Variants in RPGRIP1L observed in about 807,000 individuals in gnomAD.
The protein encoded by RPGRIP1L is RPGRIP1 like, also known as protein fantom.
RPGRIP1L carries 131 observed loss-of-function variants against 160.4 expected under a neutral mutation model. The observed-to-expected ratio is 0.82, with a 90% CI of 0.71 to 0.94. The LOEUF (loss-of-function observed/expected upper bound fraction) is 0.94. RPGRIP1L is among the 40% of genes least tolerant of loss of function. The probability of loss-of-function intolerance (pLI) is 0.00; values close to 1 mark genes in which losing one functional copy is unlikely to be tolerated. For missense variants in RPGRIP1L, 1,522 were observed against 1,535.8 expected (o/e 0.99, Z 0.15); for synonymous variants, 510 against 515.8 (o/e 0.99, Z 0.15).
At chr16:53,610,622 A>T (rs867614525) in intron 25 of RPGRIP1L, among the ~76,000 whole-genome samples, 1 of 152,230 alleles carries the variant, frequency 6.6e-6, no homozygotes, top group African/African-American at 2.4e-5. Context: ...CAATAAGACA[A>T]GAATTTATAC....
intron 17 of RPGRIP1L, among the ~76,000 whole-genome samples, chr16:53,645,048 C>T (rs1443600174): frequency 6.6e-6 from 1 of 151,980 alleles, no homozygotes; most frequent in African/African-American, 2.4e-5. Flanking sequence ...ATGGTGACAG[C>T]ACAAAGGAGG....
intron 22 of RPGRIP1L, among the ~76,000 whole-genome samples, chr16:53,632,120 G>C (rs895384920): frequency 6.6e-6 from 1 of 152,194 alleles, no homozygotes; most frequent in African/African-American, 2.4e-5. Flanking sequence ...GTAATACGTA[G>C]AAGTACTGGG....
intron 25 of RPGRIP1L, among the ~76,000 whole-genome samples, chr16:53,606,418 C>T (rs1209826596): frequency 6.6e-6 from 1 of 152,060 alleles, no homozygotes; most frequent in African/African-American, 2.4e-5. Flanking sequence ...TGTATCCATC[C>T]CAAATCAGAA....
At chr16:53,639,708 C>A (rs544874838) in intron 19 of RPGRIP1L, among the ~76,000 whole-genome samples, 1 of 152,188 alleles carries the variant, frequency 6.6e-6, no homozygotes, top group East Asian at 1.9e-4. Context: ...TATCTTTAAA[C>A]GGGAATAATT....
Position 53,622,288 on chromosome 16 carries a change from CG to C in RPGRIP1L, c.3362del (p.Pro1121ArgfsTer13). The C allele has an allele frequency of 4.6e-6, 3 of 654,498 alleles. No individual in the cohort carries two copies. Among genetic ancestry groups the C allele is most frequent in the South Asian group, 1.6e-5 (1 of 62,268 alleles). 40.5% of individuals were successfully genotyped at this position (654,498 alleles called of 1,614,324 possible). On this transcript the variant is annotated frameshift_variant, in exon 23 of 27. Coordinates refer to ENST00000647211, the MANE Select transcript of RPGRIP1L (RefSeq NM_015272.5). LOFTEE classifies it high-confidence loss of function. ...CTGAGGCAGGAAAATCGCTGGAACC[CG>C]GGAGGCGGAAGTTGCAGTGAGCTGA... Reference protein sequence around the residue: ...AISAHCNFRLPGSSDFPASAS... With the variant: ...AISAHCNFRLXGSSDFPASAS...
chr16:53,606,385 T>A (rs1472085618), intron 25 of RPGRIP1L, among the ~76,000 whole-genome samples: 3 of 152,198 alleles, frequency 2.0e-5, no homozygotes, highest in Non-Finnish European at 4.4e-5. Flanking sequence ...CTTGTAAACT[T>A]TACCATTTTA....
intron 8 of RPGRIP1L, among the ~76,000 whole-genome samples, chr16:53,671,905 C>T (rs1028125437): frequency 1.3e-5 from 2 of 152,074 alleles, no homozygotes; most frequent in Non-Finnish European, 2.9e-5. Flanking sequence ...GTATTTTTTA[C>T]TTTTCACCAT....
chr16:53,701,248 T>C (rs1814913972), intron 1 of RPGRIP1L, among the ~76,000 whole-genome samples: 1 of 152,086 alleles, frequency 6.6e-6, no homozygotes, highest in Non-Finnish European at 1.5e-5. Flanking sequence ...TACTCAAATA[T>C]TGTCTGCTTG....
intron 22 of RPGRIP1L, among the ~76,000 whole-genome samples, chr16:53,627,761 G>T (rs1396121826): frequency 6.6e-6 from 1 of 151,804 alleles, no homozygotes; most frequent in Non-Finnish European, 1.5e-5. Flanking sequence ...CTATATTTTT[G>T]AGATTTATCA....
rs1439950732 is a variant in RPGRIP1L, at chr16:53,600,227, AAT to A, written c.*1847_*1848del. 6.6e-6 allele frequency: 1 copy of A among 152,570 alleles called. No individual in the cohort carries two copies. The highest frequency in any genetic ancestry group is 1.5e-5 in the Non-Finnish European group (1 of 68,034). 9.5% of individuals were successfully genotyped at this position (152,570 alleles called of 1,614,324 possible). ...CTGGCTGTTTTAAATTACTGCAGGG[AAT>A]ATTATGGGCCTTAATGACACTGTAA... On this transcript the variant is annotated 3_prime_UTR_variant, in exon 27 of 27. Transcript: ENST00000647211.
intron 6 of RPGRIP1L, among the ~76,000 whole-genome samples, chr16:53,681,952 AT>A (rs1969642520): frequency 6.6e-6 from 1 of 152,148 alleles, no homozygotes. Context: ...CCATTTTGTG[AT>A]TTTTCTCTAC....
At chr16:53,671,686 T>C in intron 8 of RPGRIP1L, 103 bp from the exon 9 acceptor site, 2 of 620,164 alleles carry the variant, frequency 3.2e-6, no homozygotes, top group Non-Finnish European at 2.8e-6. Context: ...GTTAACATGT[T>C]TTAATCTCGA....
chr16:53,612,366 C>T (rs984916490), intron 24 of RPGRIP1L, among the ~76,000 whole-genome samples: 1 of 151,990 alleles, frequency 6.6e-6, no homozygotes, highest in Non-Finnish European at 1.5e-5. Flanking sequence ...TTCAAAGGTT[C>T]AGAGTATTTT....
At chr16:53,636,389 G>A in intron 22 of RPGRIP1L, 50 bp downstream of exon 22, 1 of 1,277,264 alleles carries the variant, frequency 7.8e-7, no homozygotes, top group Non-Finnish European at 1.1e-6. Context: ...TACTGTGAAT[G>A]AAAGGCAGCC....
At chr16:53,627,733 G>GT (rs1965273711) in intron 22 of RPGRIP1L, among the ~76,000 whole-genome samples, 1 of 151,586 alleles carries the variant, frequency 6.6e-6, no homozygotes, top group Non-Finnish European at 1.5e-5. Flanking sequence ...TGCAATTTCT[G>GT]TTTTTTTATA....
At chr16:53,697,600 G>A (rs993774877) in intron 2 of RPGRIP1L, among the ~76,000 whole-genome samples, 3 of 152,236 alleles carry the variant, frequency 2.0e-5, no homozygotes, top group Non-Finnish European at 2.9e-5. Flanking sequence ...CTGACCGCGA[G>A]TGATCCACCA....
At chr16:53,650,778 T>G (rs1966846725) in intron 15 of RPGRIP1L, among the ~76,000 whole-genome samples, 1 of 152,136 alleles carries the variant, frequency 6.6e-6, no homozygotes, top group Non-Finnish European at 1.5e-5. Flanking sequence ...TTCAAATACT[T>G]TCTTCACTTG....
At chr16:53,678,733 C>T (rs1196276239) in intron 6 of RPGRIP1L, among the ~76,000 whole-genome samples, 1 of 152,046 alleles carries the variant, frequency 6.6e-6, no homozygotes, top group East Asian at 1.9e-4. Context: ...ATATTTACGA[C>T]ACAGAATGGA....
intron 4 of RPGRIP1L, among the ~76,000 whole-genome samples, chr16:53,688,402 T>C (rs1482627077): frequency 6.6e-6 from 1 of 152,056 alleles, no homozygotes; most frequent in Non-Finnish European, 1.5e-5. Flanking sequence ...AGTAAAAATG[T>C]TTTCTGTATT....
Sources: gnomAD v4.1 joint callset for allele counts (sites outside exome capture counted in the v4.1 genomes callset) on GRCh38, gnomAD v4.1.1 for gene constraint, MANE v1.5 for transcripts, NCBI Gene and HGNC (gene_info 2026-07-23, HGNC 2026-07-21) for gene names.